B3GAT1: variants seen among roughly 807,000 people sequenced by gnomAD.
The protein encoded by B3GAT1 is beta-1,3-glucuronyltransferase 1.
B3GAT1 carries 11 observed loss-of-function variants against 28.4 expected under a neutral mutation model. The observed-to-expected ratio is 0.39, with a 90% confidence interval of 0.24 to 0.64. The LOEUF (loss-of-function observed/expected upper bound fraction) is 0.64. Among genes scored for constraint, B3GAT1 ranks in the 30% least tolerant of loss-of-function variants. The probability of loss-of-function intolerance (pLI) is 0.50; values close to 1 mark genes in which losing one functional copy is unlikely to be tolerated. For synonymous variants in B3GAT1, 255 were observed against 223.1 expected (o/e 1.14, Z -1.27); for missense variants, 375 against 491.0 (o/e 0.76, Z 2.23).
chr11:134,392,731 C>T (rs1944437053), intron 1 of B3GAT1, among the ~76,000 whole-genome samples: 1 of 151,992 alleles, frequency 6.6e-6, no homozygotes, highest in Non-Finnish European at 1.5e-5. Context: ...TAGGGGGTGT[C>T]TGGGACTCAG....
chr11:134,401,977 GGGC>G lies in B3GAT1; in HGVS notation c.-282+9827_-282+9829del, dbSNP rs200672034. 3.9e-4 allele frequency among the ~76,000 whole-genome samples: 48 copies of G among 122,944 alleles called. 2 individuals are homozygous for G. The East Asian group carries it at 8.9e-3, about 23-fold the overall frequency. 80.7% of individuals were successfully genotyped at this position (122,944 alleles called of 152,430 possible). On this transcript the variant is annotated intron_variant, in intron 1 of 5. Transcript: ENST00000312527. Reference sequence around the variant, plus strand: ...AAAGGGTGTGGCCTGGGGCGGGGGGGGGCGGGCAGCCTGACCACTGTCGGGAGG... The same window carrying G: ...AAAGGGTGTGGCCTGGGGCGGGGGGGGGGCAGCCTGACCACTGTCGGGAGG...
intron 1 of B3GAT1, among the ~76,000 whole-genome samples, chr11:134,405,314 G>C (rs1008411156): frequency 3.3e-5 from 5 of 152,178 alleles, no homozygotes; most frequent in African/African-American, 1.2e-4. Context: ...AGGGCTTCAG[G>C]TCCGGGCTAG....
rs1049726343 is a variant in B3GAT1 at position 134,411,625 on chromosome 11, G to A, written c.-282+182C>T. 6.6e-6 allele frequency among the ~76,000 whole-genome samples: 1 copy of A among 152,028 alleles called. No homozygotes were observed. The highest frequency in any genetic ancestry group is 1.5e-5 in the Non-Finnish European group (1 of 67,984). On this transcript the variant is annotated intron_variant, in intron 1 of 5. Coordinates refer to ENST00000312527, the MANE Select transcript of B3GAT1 (RefSeq NM_054025.3). This position sits in a 1 kb window ranked among gnomAD's most constrained non-coding sequence, Gnocchi z 6.0. ...TCGGCAGCAGCGCCTCCCAGCCCGA[G>A]CTCGGTTCTCGGCCCCCTTTCCAGC...
Position 134,397,940 on chromosome 11 carries a change from T to C in B3GAT1, c.-281-10000A>G, listed in dbSNP as rs376299139. On this transcript the variant is annotated intron_variant, in intron 1 of 5. Transcript: ENST00000312527. ...CCCTCCCCCTTGCCCAGCACTCTCT[T>C]GAGGCTGATGATTTGGGGAGACGCC... 3.3e-5 allele frequency among the ~76,000 whole-genome samples: 5 copies of C among 152,112 alleles called. No homozygotes were observed. In the East Asian group the frequency reaches 5.8e-4, roughly 18 times the overall value.
At chr11:134,404,598 T>G (rs1315550900) in intron 1 of B3GAT1, among the ~76,000 whole-genome samples, 1 of 152,172 alleles carries the variant, frequency 6.6e-6, no homozygotes, top group Non-Finnish European at 1.5e-5. Flanking sequence ...ATCTCAAGCA[T>G]GCACCTTCCT....
chr11:134,411,482 G>A lies in B3GAT1; in HGVS notation c.-282+325C>T, dbSNP rs1944851725. On this transcript the variant is annotated intron_variant, in intron 1 of 5. Coordinates refer to ENST00000312527, the MANE Select transcript of B3GAT1 (RefSeq NM_054025.3). This position sits in a 1 kb window ranked among gnomAD's most constrained non-coding sequence, Gnocchi z 6.0. The stretch of plus-strand genomic sequence containing the variant: ...CGGCCACCAGAAACCACCTGCTGAG[G>A]GGGCCGGGAACTGACGACTGAGAGC... 6.6e-6 allele frequency among the ~76,000 whole-genome samples: 1 copy of A among 152,084 alleles called. No homozygotes were observed. Among genetic ancestry groups the A allele is most frequent in the African/African-American group, 2.4e-5 (1 of 41,408 alleles).
In B3GAT1 at chr11:134,412,108, G is replaced by T. The variant is rs188682431; in HGVS notation, c.-583C>A. On this transcript the variant is annotated 5_prime_UTR_variant, in exon 1 of 6. Transcript: ENST00000312527. ...AGGCGGGGGGCGGGGGGCGGGGAGG[G>T]GGAGCGGGGAGGGGGAGCGGGGAGC... is the stretch of plus-strand genomic sequence containing the variant. Among the ~76,000 whole-genome samples the T allele has an allele frequency of 7.9e-4, 85 of 107,638 alleles. 3 individuals carry two copies. The highest frequency in any genetic ancestry group is 2.0e-3 in the East Asian group (6 of 2,958). 70.6% of individuals were successfully genotyped at this position (107,638 alleles called of 152,430 possible).
chr11:134,393,812 A>T lies in B3GAT1; in HGVS notation c.-281-5872T>A, dbSNP rs976901965. Among the ~76,000 whole-genome samples, 16 of 152,128 alleles carry T rather than the reference A, an allele frequency of 1.1e-4. No individual in the cohort carries two copies. Among genetic ancestry groups the T allele is most frequent in the Non-Finnish European group, 2.4e-4 (16 of 68,016 alleles). ...CTGTGCGGACCGGGTGCAGGACACC[A>T]ACCTGCTGGTTAAGACAGCTGCTGT... is the stretch of plus-strand genomic sequence containing the variant. On this transcript the variant is annotated intron_variant, in intron 1 of 5. Coordinates refer to ENST00000312527, the MANE Select transcript of B3GAT1 (RefSeq NM_054025.3). This position sits in a 1 kb window ranked among gnomAD's most constrained non-coding sequence, Gnocchi z 4.0.
intron 1 of B3GAT1, among the ~76,000 whole-genome samples, chr11:134,401,290 C>A (rs567826278): frequency 6.6e-6 from 1 of 152,194 alleles, no homozygotes; most frequent in Non-Finnish European, 1.5e-5. Context: ...TCATGTTTAT[C>A]GCAGCACTAT....
intron 1 of B3GAT1, among the ~76,000 whole-genome samples, chr11:134,399,100 G>A (rs998286347): frequency 1.3e-5 from 2 of 152,168 alleles, no homozygotes; most frequent in Non-Finnish European, 2.9e-5. Flanking sequence ...ACCCCAGAAT[G>A]GCTCCTCTCG....
intron 1 of B3GAT1, chr11:134,392,444 T>A (rs893950): frequency 0.52 from 79,742 of 152,068 alleles, 21,425 homozygotes; most frequent in East Asian, 0.84. Context: ...ATCACAGCTC[T>A]CTGCAGGCTT....
chr11:134,402,844 T>A (rs1232877108), intron 1 of B3GAT1, among the ~76,000 whole-genome samples: 6 of 145,252 alleles, frequency 4.1e-5, no homozygotes, highest in Non-Finnish European at 7.5e-5. Context: ...GCCCGGGAGG[T>A]GGAGTTTGCA....
At position 134,384,209 on chromosome 11, in the gene B3GAT1, C is replaced by CGATGTGGGAGGA. The variant is rs1565449839; in HGVS notation, c.113-33_113-22dup. On this transcript the variant is annotated intron_variant, in intron 2 of 5. Transcript: ENST00000312527. The stretch of plus-strand genomic sequence containing the variant: ...CTCATCTGCGGAGTCGGGAGACCGG[C>CGATGTGGGAGGA]GATGTGGGAGGAGAGCGCCGGCTAC... 6 of 1,520,922 alleles carry CGATGTGGGAGGA rather than the reference C, an allele frequency of 3.9e-6. No homozygotes were observed. In the African/African-American group the frequency reaches 5.5e-5, roughly 14 times the overall value. The allele number at this position is 1,520,922 out of a possible 1,614,324, so 94.2% of individuals were successfully genotyped here. A position where few individuals can be genotyped will look rare whatever the true frequency, so the allele number is the denominator to read the frequency against.
At chr11:134,406,743 A>G (rs1160942054) in intron 1 of B3GAT1, among the ~76,000 whole-genome samples, 1 of 152,204 alleles carries the variant, frequency 6.6e-6, no homozygotes, top group East Asian at 1.9e-4. Context: ...CCTCATTTTA[A>G]AAGTGAGAAG....
rs1944093823 is a variant in B3GAT1, at chr11:134,380,267, C to T, written c.*495G>A. Reference sequence around the variant, plus strand: ...GAGAGGAGCAGAGCGCTCGTGATGCCCGTGGGCTGCTCTCTGGTCTTCAGA... The same window carrying T: ...GAGAGGAGCAGAGCGCTCGTGATGCTCGTGGGCTGCTCTCTGGTCTTCAGA... On this transcript the variant is annotated 3_prime_UTR_variant, in exon 6 of 6. Transcript: ENST00000312527. The T allele has an allele frequency of 6.6e-6, 1 of 152,272 alleles. No homozygotes were observed. The highest frequency in any genetic ancestry group is 1.5e-5 in the Non-Finnish European group (1 of 68,104). 9.4% of individuals were successfully genotyped at this position (152,272 alleles called of 1,614,324 possible).
chr11:134,389,950 A>G (rs1944374889), intron 1 of B3GAT1: 1 of 151,864 alleles, frequency 6.6e-6, no homozygotes, highest in Admixed American at 6.6e-5. Flanking sequence ...TCCATTAAGG[A>G]GCACTGTGGT....
chr11:134,386,517 G>GTTCTA (rs1258692332), intron 2 of B3GAT1: 3 of 152,342 alleles, frequency 2.0e-5, no homozygotes, highest in Non-Finnish European at 4.4e-5. Flanking sequence ...AGGACCCAGA[G>GTTCTA]CCAGGGGAAA....
At chr11:134,401,162 C>T (rs1944606738) in intron 1 of B3GAT1, among the ~76,000 whole-genome samples, 3 of 152,206 alleles carry the variant, frequency 2.0e-5, no homozygotes, top group Non-Finnish European at 4.4e-5. Flanking sequence ...ATGAGTTCAG[C>T]CACTGTGGAA....
intron 1 of B3GAT1, among the ~76,000 whole-genome samples, chr11:134,407,650 C>T (rs1243442295): frequency 6.6e-6 from 1 of 152,176 alleles, no homozygotes; most frequent in Admixed American, 6.5e-5. Flanking sequence ...GCCCTGCTGT[C>T]AGCTGGTGTG....
Sources: gnomAD v4.1 joint callset for allele counts (sites outside exome capture counted in the v4.1 genomes callset) on GRCh38, gnomAD v4.1.1 for gene constraint, Gnocchi (gnomAD v3.1) non-coding constraint, MANE v1.5 for transcripts, NCBI Gene and HGNC (gene_info 2026-07-23, HGNC 2026-07-21) for gene names.